LRP1B: variants seen among roughly 807,000 people sequenced by gnomAD.
LRP1B encodes the protein LDL receptor related protein 1B.
LRP1B carries 217 observed loss-of-function variants against 556.6 expected under a neutral mutation model. The observed-to-expected ratio is 0.39, with a 90% CI of 0.35 to 0.44. The LOEUF (loss-of-function observed/expected upper bound fraction) is 0.44, where lower values mean the gene tolerates loss of function less well. Ranked by LOEUF, LRP1B falls within the 20% of genes least tolerant of loss-of-function variation. The probability of loss-of-function intolerance (pLI) is 1.00; values close to 1 mark genes in which losing one functional copy is unlikely to be tolerated. For synonymous variants in LRP1B, 2,047 were observed against 1,865.8 expected, an observed-to-expected ratio of 1.10 and a Z score of -2.50; for missense variants, 5,053 against 5,620.8, an observed-to-expected ratio of 0.90 and a Z score of 3.23.
chr2:141,029,917 T>A (rs949306167), intron 11 of LRP1B, among the ~76,000 whole-genome samples: 11 of 152,130 alleles, frequency 7.2e-5, no homozygotes, highest in African/African-American at 2.7e-4. Context: ...TACCTCTATC[T>A]ACTAGATTCC....
At chr2:141,680,296 T>G (rs763575243) in intron 2 of LRP1B, among the ~76,000 whole-genome samples, 3 of 152,094 alleles carry the variant, frequency 2.0e-5, no homozygotes, top group African/African-American at 7.2e-5. Flanking sequence ...AAGAAAGAAG[T>G]CATTGCTTTA....
intron 1 of LRP1B, among the ~76,000 whole-genome samples, chr2:141,932,209 T>A (rs1276742099): frequency 6.6e-6 from 1 of 152,072 alleles, no homozygotes; most frequent in Non-Finnish European, 1.5e-5. Context: ...TACTTCATAT[T>A]TCTTGAGTGT....
At chr2:141,169,065 C>G (rs1228473937) in intron 7 of LRP1B, among the ~76,000 whole-genome samples, 2 of 151,732 alleles carry the variant, frequency 1.3e-5, no homozygotes, top group South Asian at 4.2e-4. Context: ...GTGGGTGAAT[C>G]ACCTGAGGTC....
At chr2:140,809,876 C>T (rs1690857543) in intron 32 of LRP1B, among the ~76,000 whole-genome samples, 1 of 152,106 alleles carries the variant, frequency 6.6e-6, no homozygotes, top group Admixed American at 6.5e-5. Flanking sequence ...CTGGCTTTGC[C>T]TAAGGACAGT....
intron 7 of LRP1B, among the ~76,000 whole-genome samples, chr2:141,153,342 A>G (rs1200050671): frequency 4.1e-5 from 3 of 73,640 alleles, no homozygotes; most frequent in Non-Finnish European, 8.7e-5. Flanking sequence ...ATAATAATAT[A>G]TTATATATTA....
intron 82 of LRP1B, among the ~76,000 whole-genome samples, chr2:140,319,427 T>C (rs969110744): frequency 1.3e-5 from 2 of 152,114 alleles, no homozygotes; most frequent in African/African-American, 4.8e-5. Flanking sequence ...GGTGAGGGAT[T>C]ATGTGGAACT....
chr2:141,420,396 G>C (rs913818383), intron 3 of LRP1B, among the ~76,000 whole-genome samples: 1 of 152,194 alleles, frequency 6.6e-6, no homozygotes, highest in Non-Finnish European at 1.5e-5. Context: ...CGTCAGCCCA[G>C]CTAGAGATTC....
At chr2:141,500,724 A>G (rs1483923218) in intron 2 of LRP1B, among the ~76,000 whole-genome samples, 4 of 152,150 alleles carry the variant, frequency 2.6e-5, no homozygotes, top group Non-Finnish European at 5.9e-5. Flanking sequence ...TTTTTCATCC[A>G]TATAGATAAC....
At chr2:140,978,002 C>T (rs1199383392) in intron 18 of LRP1B, among the ~76,000 whole-genome samples, 1 of 152,184 alleles carries the variant, frequency 6.6e-6, no homozygotes, top group Non-Finnish European at 1.5e-5. Flanking sequence ...GGTCCACTTT[C>T]AACACAGGCT....
At chr2:140,327,032 T>C (rs1230085106) in intron 79 of LRP1B, among the ~76,000 whole-genome samples, 1 of 152,266 alleles carries the variant, frequency 6.6e-6, no homozygotes, top group Non-Finnish European at 1.5e-5. Context: ...TCTTCACTGC[T>C]GTAGATTAAC....
chr2:140,442,729 T>C, intron 65 of LRP1B, 106 bp from the exon 66 acceptor site: 2 of 1,099,028 alleles, frequency 1.8e-6, no homozygotes, highest in Non-Finnish European at 2.6e-6. Flanking sequence ...AAAAATGTAT[T>C]GTCTTTAAAT....
intron 7 of LRP1B, 116 bp from the exon 8 acceptor site, chr2:141,062,389 T>C: frequency 1.6e-6 from 1 of 639,344 alleles, no homozygotes; most frequent in Non-Finnish European, 2.7e-6. Flanking sequence ...ATTACATCTG[T>C]TGGCTTCATA....
chr2:141,994,030 A>G (rs866177720), intron 1 of LRP1B, among the ~76,000 whole-genome samples: 2 of 152,188 alleles, frequency 1.3e-5, no homozygotes, highest in Admixed American at 6.5e-5. Flanking sequence ...GATTTGTTAT[A>G]AGTCAAGATC....
At chr2:141,182,951 C>T (rs1013845443) in intron 7 of LRP1B, among the ~76,000 whole-genome samples, 1 of 151,732 alleles carries the variant, frequency 6.6e-6, no homozygotes, top group African/African-American at 2.4e-5. Flanking sequence ...CAGATGAGGA[C>T]CCTACCTTCC....
intron 16 of LRP1B, among the ~76,000 whole-genome samples, chr2:140,990,807 C>T (rs1172335272): frequency 2.1e-4 from 32 of 152,068 alleles, no homozygotes; most frequent in South Asian, 2.1e-4. Flanking sequence ...ACAATTTCAA[C>T]GCTGTTTTTA....
intron 1 of LRP1B, among the ~76,000 whole-genome samples, chr2:141,890,347 T>TATAG (rs1699248975): frequency 7.5e-6 from 1 of 133,832 alleles, no homozygotes; most frequent in Admixed American, 7.8e-5. Flanking sequence ...TATATATATA[T>TATAG]ATATGTATTG....
At chr2:141,315,075 G>A (rs1263761018) in intron 3 of LRP1B, among the ~76,000 whole-genome samples, 1 of 150,066 alleles carries the variant, frequency 6.7e-6, no homozygotes, top group Non-Finnish European at 1.5e-5. Flanking sequence ...GGACTATTAC[G>A]GTACTCTCAC....
chr2:141,987,223 C>T (rs749097790), intron 1 of LRP1B, among the ~76,000 whole-genome samples: 2 of 151,798 alleles, frequency 1.3e-5, no homozygotes, highest in African/African-American at 4.8e-5. Context: ...GACTATTACA[C>T]GGATCAAGTA....
chr2:140,702,267 G>A lies in LRP1B; in HGVS notation c.6176C>T (p.Ala2059Val), dbSNP rs1338381162. The A allele has an allele frequency of 1.2e-6, 2 of 1,613,608 alleles. No homozygotes were observed. Among genetic ancestry groups the A allele is most frequent in the Non-Finnish European group, 1.7e-6 (2 of 1,179,734 alleles). The part of the protein sequence containing the change: ...YEENKLYWCD[A>V]RTDKIERIDL... Reference sequence around the variant, plus strand: ...GATTCTCTCTATCTTGTCTGTGCGAGCATCACACCAGTACAATTTATTTTC... The same window carrying A: ...GATTCTCTCTATCTTGTCTGTGCGAACATCACACCAGTACAATTTATTTTC... Residue 2059 changes from alanine to valine, a missense_variant, in exon 39 of 91, where the codon GCT becomes GTT. Physicochemically the swap from Ala to Val is moderately conservative, Grantham distance 64. Transcript: ENST00000389484.
Sources: gnomAD v4.1 joint callset for allele counts (sites outside exome capture counted in the v4.1 genomes callset) on GRCh38, gnomAD v4.1.1 for gene constraint, MANE v1.5 for transcripts, NCBI Gene and HGNC (gene_info 2026-07-23, HGNC 2026-07-21) for gene names.